SLC7A7: variants seen among roughly 807,000 people sequenced by gnomAD.
SLC7A7 encodes the protein solute carrier family 7 member 7, also known as Y+L amino acid transporter 1.
A neutral mutation model predicts 47.9 loss-of-function variants in SLC7A7; 39 were observed. That is an observed-to-expected ratio of 0.81 (90% confidence interval 0.63 to 1.06). The LOEUF (loss-of-function observed/expected upper bound fraction) is 1.06. Among genes scored for constraint, SLC7A7 ranks in the 50% least tolerant of loss-of-function variants. SLC7A7 has a pLI of 0.00. For synonymous variants in SLC7A7, 234 were observed against 242.8 expected, an observed-to-expected ratio of 0.96 and a Z score of 0.34; for missense variants, 588 against 632.0, an observed-to-expected ratio of 0.93 and a Z score of 0.75.
At chr14:22,807,244 C>A (rs1336351738) in intron 2 of SLC7A7, among the ~76,000 whole-genome samples, 1 of 152,116 alleles carries the variant, frequency 6.6e-6, no homozygotes, top group Admixed American at 6.6e-5. Context: ...TAAGGCCACT[C>A]CACAGTGCAG....
intron 2 of SLC7A7, among the ~76,000 whole-genome samples, chr14:22,795,623 T>C (rs1037338281): frequency 2.6e-5 from 4 of 151,856 alleles, no homozygotes; most frequent in Admixed American, 1.3e-4. Flanking sequence ...CACAGGCGCC[T>C]GCCACCACAC....
chr14:22,807,103 G>A (rs534585386), intron 2 of SLC7A7, among the ~76,000 whole-genome samples: 15 of 152,184 alleles, frequency 9.9e-5, no homozygotes, highest in South Asian at 8.3e-4. Context: ...ATTTCACTGT[G>A]TTAGCCAGGA....
chr14:22,818,532 CAGCAACACCCCT>C (rs2039435460), upstream of SLC7A7, among the ~76,000 whole-genome samples: 1 of 151,682 alleles, frequency 6.6e-6, no homozygotes, highest in Non-Finnish European at 1.5e-5. Flanking sequence ...AGCCTGGGAC[CAGCAACACCCCT>C]AGGCTCTCCC....
chr14:22,794,584 C>T (rs937220561), intron 2 of SLC7A7, among the ~76,000 whole-genome samples: 2 of 152,170 alleles, frequency 1.3e-5, no homozygotes, highest in Non-Finnish European at 2.9e-5. Flanking sequence ...CAGGGCCCCA[C>T]ACCCCAGAGG....
intron 2 of SLC7A7, 152 bp from the exon 3 acceptor site, chr14:22,780,203 G>T (rs1594949830): frequency 8.1e-6 from 7 of 860,330 alleles, no homozygotes; most frequent in African/African-American, 5.1e-5. Context: ...AACCCTCGGG[G>T]CCCCAGAATG....
Position 22,806,921 on chromosome 14 carries a change from G to C in SLC7A7, c.499+5979C>G, listed in dbSNP as rs574233365. Among the ~76,000 whole-genome samples the C allele has an allele frequency of 6.2e-5, 8 of 128,032 alleles. No homozygotes were observed. The South Asian group carries it at 2.0e-3, about 31-fold the overall frequency. 84.0% of individuals were successfully genotyped at this position (128,032 alleles called of 152,430 possible). A position where few individuals can be genotyped will look rare whatever the true frequency, so the allele number is the denominator to read the frequency against. ...TTTTTTTTTTTTTTTTTTTTGAGAC[G>C]GAGTCTCGCTCTGTCGCCCAGGCTA... On this transcript the variant is annotated intron_variant, in intron 2 of 9. Coordinates refer to ENST00000674313, the MANE Select transcript of SLC7A7 (RefSeq NM_003982.4).
intron 7 of SLC7A7, among the ~76,000 whole-genome samples, chr14:22,774,897 A>G (rs762787954): frequency 8.5e-5 from 13 of 152,204 alleles, no homozygotes; most frequent in Non-Finnish European, 1.5e-4. Flanking sequence ...CAGCACTCAA[A>G]AAGTTTCAGA....
Position 22,774,432 on chromosome 14 carries a change from G to C in SLC7A7, c.1167C>G (p.Tyr389Ter). ...CAATAGAAAGCCCCACAAAGAACCA[G>C]TAGCTGAAGCTGTAGTAGTTAATGA... ...FQLINYYSFS[Y>*]WFFVGLSIVG... The change falls in exon 8 of 10, where the codon TAC becomes TAG. Residue 389 changes from tyrosine (Y) to a stop codon, truncating the protein, a stop_gained. Coordinates refer to ENST00000674313, the MANE Select transcript of SLC7A7 (RefSeq NM_003982.4). LOFTEE classifies it high-confidence loss of function. The C allele has an allele frequency of 6.2e-7, 1 of 1,614,150 alleles. No homozygotes were observed. Among genetic ancestry groups the C allele is most frequent in the Non-Finnish European group, 8.5e-7 (1 of 1,180,036 alleles).
intron 2 of SLC7A7, among the ~76,000 whole-genome samples, chr14:22,800,794 C>T (rs2039099519): frequency 6.6e-6 from 1 of 152,090 alleles, no homozygotes; most frequent in African/African-American, 2.4e-5. Flanking sequence ...TAAAAATTAG[C>T]CGGGCGTGGT....
chr14:22,818,739 G>T (rs2039439959), upstream of SLC7A7, among the ~76,000 whole-genome samples: 2 of 151,888 alleles, frequency 1.3e-5, no homozygotes, highest in South Asian at 4.2e-4. Flanking sequence ...GATTACAGGT[G>T]CCCGCCACCG....
chr14:22,773,516 G>C lies in SLC7A7; in HGVS notation c.*94C>G, dbSNP rs767004080. The C allele has an allele frequency of 9.6e-7, 1 of 1,042,504 alleles. No individual in the cohort carries two copies. The highest frequency in any genetic ancestry group is 1.5e-5 in the African/African-American group (1 of 64,970). The allele number at this position is 1,042,504 out of a possible 1,614,324, so 64.6% of individuals were successfully genotyped here. On this transcript the variant is annotated 3_prime_UTR_variant, in exon 10 of 10. Coordinates refer to ENST00000674313, the MANE Select transcript of SLC7A7 (RefSeq NM_003982.4). ...GCCTAGGCCAGGCTTCTGGACAGGT[G>C]CCTCCAAAGAAGTGAGCTTTCCTTT... is the stretch of plus-strand genomic sequence containing the variant.
At chr14:22,783,383 A>G (rs1594952481) in intron 2 of SLC7A7, among the ~76,000 whole-genome samples, 1 of 148,592 alleles carries the variant, frequency 6.7e-6, no homozygotes, top group Middle Eastern at 3.6e-3. Context: ...TTACATTTTA[A>G]TCCCTATTGC....
chr14:22,811,883 A>G (rs28582652), intron 2 of SLC7A7, among the ~76,000 whole-genome samples: 80,220 of 150,132 alleles, frequency 0.53, 21,796 homozygotes, highest in East Asian at 0.8. Context: ...TCCAGCCTAC[A>G]GAAATACTCA....
intron 2 of SLC7A7, among the ~76,000 whole-genome samples, chr14:22,780,895 TC>T (rs1310085135): frequency 6.6e-6 from 1 of 151,938 alleles, no homozygotes; most frequent in Non-Finnish European, 1.5e-5. Context: ...CCATTATCCC[TC>T]CCCCAACAAA....
chr14:22,783,599 C>A (rs2038760463), intron 2 of SLC7A7, among the ~76,000 whole-genome samples: 1 of 151,952 alleles, frequency 6.6e-6, no homozygotes, highest in Non-Finnish European at 1.5e-5. Context: ...CAGGGTTTCG[C>A]CATGTTAGCC....
intron 4 of SLC7A7, among the ~76,000 whole-genome samples, chr14:22,776,847 T>A (rs2038618691): frequency 1.3e-5 from 2 of 152,138 alleles, no homozygotes; most frequent in African/African-American, 4.8e-5. Flanking sequence ...CATGCACCTG[T>A]AGTCCCAGCT....
chr14:22,812,569 G>A (rs1397569217), intron 2 of SLC7A7, among the ~76,000 whole-genome samples: 2 of 150,734 alleles, frequency 1.3e-5, no homozygotes, highest in East Asian at 2.0e-4. Flanking sequence ...CTAGAAGTTC[G>A]AGGCTGAAGT....
At chr14:22,787,549 C>T (rs868221264) in intron 2 of SLC7A7, among the ~76,000 whole-genome samples, 11 of 149,434 alleles carry the variant, frequency 7.4e-5, no homozygotes, top group South Asian at 6.4e-4. Flanking sequence ...GCCAGGAGTT[C>T]GAGACCAGCC....
rs1425438218 is a variant in SLC7A7 at position 22,773,603 on chromosome 14, A to T, written c.*7T>A. On this transcript the variant is annotated 3_prime_UTR_variant, in exon 10 of 10. Coordinates refer to ENST00000674313, the MANE Select transcript of SLC7A7 (RefSeq NM_003982.4). The stretch of plus-strand genomic sequence containing the variant: ...CCTGCTTTCCACATCAGGATTCCAG[A>T]TGGTGTTTAGTTAGATTTGGGATCC... The T allele has an allele frequency of 1.9e-6, 3 of 1,608,684 alleles. No homozygotes were observed. The African/African-American group carries it at 4.0e-5, about 21-fold the overall frequency.
Sources: allele counts gnomAD v4.1 joint callset (sites outside exome capture counted in the v4.1 genomes callset), GRCh38; gene constraint gnomAD v4.1.1; transcripts MANE v1.5; gene names NCBI Gene and HGNC (gene_info 2026-07-23, HGNC 2026-07-21).